The following CDH12 variants were observed in gnomAD, a reference collection of about 807,000 sequenced individuals.
CDH12 encodes cadherin-12.
Under a neutral mutation model 74.1 loss-of-function variants are expected in CDH12, and 41 were observed. The ratio of observed to expected loss-of-function variants is 0.55; its 90% CI spans 0.43 to 0.72. The LOEUF is 0.72. CDH12 is among the 30% of genes least tolerant of loss of function. The probability of loss-of-function intolerance (pLI) is 0.00; values close to 1 mark genes in which losing one functional copy is unlikely to be tolerated. For missense variants in CDH12, 945 were observed against 977.2 expected (o/e 0.97, Z 0.44); for synonymous variants, 399 against 355.0 (o/e 1.12, Z -1.39).
intron 1 of CDH12, among the ~76,000 whole-genome samples, chr5:22,669,598 A>G (rs2126910974): frequency 6.6e-6 from 1 of 152,326 alleles, no homozygotes; most frequent in Non-Finnish European, 1.5e-5. Context: ...TGTTCTGTCT[A>G]AATGGCAGAC....
At chr5:22,833,295 G>C (rs1736696743) in intron 1 of CDH12, among the ~76,000 whole-genome samples, 1 of 152,170 alleles carries the variant, frequency 6.6e-6, no homozygotes, top group Non-Finnish European at 1.5e-5. Context: ...AAAGTAAGGA[G>C]AAAACTGTAT....
chr5:22,399,185 A>G (rs1439072118), intron 3 of CDH12, among the ~76,000 whole-genome samples: 1 of 142,514 alleles, frequency 7.0e-6, no homozygotes, highest in East Asian at 2.1e-4. Context: ...TATATAATCT[A>G]CCCAGTATCT....
intron 6 of CDH12, among the ~76,000 whole-genome samples, chr5:21,947,460 A>G (rs1416977206): frequency 1.3e-5 from 2 of 152,224 alleles, no homozygotes; most frequent in Non-Finnish European, 2.9e-5. Context: ...AGAACTCATT[A>G]GGAGCTAGAG....
At chr5:22,219,945 A>G (rs186757040) in intron 3 of CDH12, among the ~76,000 whole-genome samples, 1 of 151,934 alleles carries the variant, frequency 6.6e-6, no homozygotes, top group Admixed American at 6.6e-5. Context: ...TTTAGTTAAA[A>G]TGAACAACAT....
intron 5 of CDH12, among the ~76,000 whole-genome samples, chr5:22,064,199 G>A (rs1167593574): frequency 6.6e-6 from 1 of 152,108 alleles, no homozygotes; most frequent in Non-Finnish European, 1.5e-5. Flanking sequence ...CACATATCTG[G>A]AAGATTGACT....
rs1747141184 is a variant in CDH12, at chr5:22,497,389, A to G, written c.-428+7881T>C. Among the ~76,000 whole-genome samples, 3 of 152,094 alleles carry G rather than the reference A, an allele frequency of 2.0e-5. No individual in the cohort carries two copies. In the South Asian group the frequency reaches 6.2e-4, roughly 32 times the overall value. Reference sequence around the variant, plus strand: ...TCTTTCTCATTTCCTCACACTGCATATATAATACATCACCAATCATCTTGT... The same window carrying G: ...TCTTTCTCATTTCCTCACACTGCATGTATAATACATCACCAATCATCTTGT... On this transcript the variant is annotated intron_variant, in intron 2 of 14. Coordinates refer to ENST00000382254, the MANE Select transcript of CDH12 (RefSeq NM_004061.5).
intron 1 of CDH12, among the ~76,000 whole-genome samples, chr5:22,741,960 C>T (rs1361642884): frequency 6.6e-6 from 1 of 152,116 alleles, no homozygotes; most frequent in Non-Finnish European, 1.5e-5. Context: ...ACAGGTGGAT[C>T]ACCTGAGGTC....
chr5:21,988,372 G>A (rs1172322852), intron 5 of CDH12, among the ~76,000 whole-genome samples: 1 of 151,654 alleles, frequency 6.6e-6, no homozygotes, highest in African/African-American at 2.4e-5. Context: ...GACGCCTGTA[G>A]TCCCAGCTAC....
chr5:22,762,305 C>T (rs973678190), intron 1 of CDH12, among the ~76,000 whole-genome samples: 8 of 151,970 alleles, frequency 5.3e-5, no homozygotes, highest in African/African-American at 1.9e-4. Flanking sequence ...ATCTCTTACC[C>T]ATAGATCTGT....
rs111254616 is a variant in CDH12, at chr5:22,521,659, G to C, written c.-522-16295C>G. Among the ~76,000 whole-genome samples the C allele has an allele frequency of 7.3e-3, 1,114 of 152,188 alleles. 12 individuals carry two copies. Among genetic ancestry groups the C allele is most frequent in the African/African-American group, 0.025 (1,031 of 41,542 alleles). On this transcript the variant is annotated intron_variant, in intron 1 of 14. Coordinates refer to ENST00000382254, the MANE Select transcript of CDH12 (RefSeq NM_004061.5). The stretch of plus-strand genomic sequence containing the variant: ...AAAGATAAGCCAGCTTTTCTGTAAG[G>C]AGCCAGACACTAAATATTTTAGGCT...
At position 22,623,896 on chromosome 5, in the gene CDH12, G is replaced by A. The variant is rs145342369; in HGVS notation, c.-522-118532C>T. ...AAAAGAACAAAGTTGAAGGTATCAC[G>A]CTACCTGACTTCAAATTATACTACA... On this transcript the variant is annotated intron_variant, in intron 1 of 14. Coordinates refer to ENST00000382254, the MANE Select transcript of CDH12 (RefSeq NM_004061.5). Among the ~76,000 whole-genome samples, 390 of 152,194 alleles carry A rather than the reference G, an allele frequency of 2.6e-3. 3 individuals carry two copies. The highest frequency in any genetic ancestry group is 8.9e-3 in the African/African-American group (368 of 41,510).
At chr5:22,429,708 T>C (rs978290849) in intron 2 of CDH12, among the ~76,000 whole-genome samples, 1 of 152,184 alleles carries the variant, frequency 6.6e-6, no homozygotes, top group African/African-American at 2.4e-5. Context: ...TTACTCATTT[T>C]TTGAAATAGT....
Position 22,839,275 on chromosome 5 carries a change from T to C in CDH12, c.-523+13783A>G, listed in dbSNP as rs146589123. Among the ~76,000 whole-genome samples the C allele has an allele frequency of 5.1e-3, 783 of 152,144 alleles. 4 individuals carry two copies. The highest frequency in any genetic ancestry group is 9.3e-3 in the Non-Finnish European group (632 of 67,998). On this transcript the variant is annotated intron_variant, in intron 1 of 14. Transcript: ENST00000382254. ...ATACAATTCTTATACTTCATAAACA[T>C]CATTTACATGTTTCTTATCTCTGTG...
intron 9 of CDH12, among the ~76,000 whole-genome samples, chr5:21,811,596 CATT>C (rs959588114): frequency 1.7e-4 from 26 of 151,890 alleles, no homozygotes; most frequent in Middle Eastern, 3.4e-3. Flanking sequence ...CTTATTCTGT[CATT>C]GTAAATGTAG....
At chr5:22,464,066 G>A (rs911392919) in intron 2 of CDH12, among the ~76,000 whole-genome samples, 1 of 152,106 alleles carries the variant, frequency 6.6e-6, no homozygotes, top group African/African-American at 2.4e-5. Context: ...CACAGGGACG[G>A]GTCTTTCCTG....
chr5:21,785,096 C>CTGCT, intron 10 of CDH12, among the ~76,000 whole-genome samples: 1 of 151,516 alleles, frequency 6.6e-6, no homozygotes, highest in Non-Finnish European at 1.5e-5. Flanking sequence ...AATATTATAA[C>CTGCT]AGGGTGATCT....
chr5:22,228,160 G>A (rs994382061), intron 3 of CDH12, among the ~76,000 whole-genome samples: 20 of 151,714 alleles, frequency 1.3e-4, no homozygotes, highest in Admixed American at 5.3e-4. Context: ...ATTCAAGATC[G>A]TACTATTAAC....
At chr5:22,362,432 C>T (rs1383252613) in intron 3 of CDH12, among the ~76,000 whole-genome samples, 6 of 152,156 alleles carry the variant, frequency 3.9e-5, no homozygotes, top group Non-Finnish European at 8.8e-5. Context: ...CAGGAAACAT[C>T]AGGTGCTAGA....
chr5:22,839,125 G>C (rs1736973289), intron 1 of CDH12, among the ~76,000 whole-genome samples: 1 of 152,032 alleles, frequency 6.6e-6, no homozygotes, highest in South Asian at 2.1e-4. Context: ...TCTTGATGTA[G>C]CATAGATTTT....
Sources: allele counts gnomAD v4.1 joint callset (sites outside exome capture counted in the v4.1 genomes callset), GRCh38; gene constraint gnomAD v4.1.1; transcripts MANE v1.5; gene names NCBI Gene and HGNC (gene_info 2026-07-23, HGNC 2026-07-21).